The following PTPRD variants were observed in gnomAD, a reference collection of about 807,000 sequenced individuals.
The protein encoded by PTPRD is protein tyrosine phosphatase receptor type D.
PTPRD carries 34 observed loss-of-function variants against 214.5 expected under a neutral mutation model. That is an observed-to-expected ratio of 0.16 (90% confidence interval 0.12 to 0.21). The LOEUF (loss-of-function observed/expected upper bound fraction) is 0.21. Among genes scored for constraint, PTPRD ranks in the 10% least tolerant of loss-of-function variants. PTPRD has a pLI of 1.00. For missense variants in PTPRD, 2,545 were observed against 2,398.7 expected (o/e 1.06, Z -1.27); for synonymous variants, 1,128 against 845.7 (o/e 1.33, Z -5.79).
At chr9:8,343,564 G>C (rs1429040941) in intron 39 of PTPRD, among the ~76,000 whole-genome samples, 1 of 151,950 alleles carries the variant, frequency 6.6e-6, no homozygotes, top group Admixed American at 6.6e-5. Flanking sequence ...CTGTTAGATG[G>C]CGAGTTTTCC....
At chr9:9,865,503 CCCA>C (rs2063745958) in intron 5 of PTPRD, among the ~76,000 whole-genome samples, 1 of 152,082 alleles carries the variant, frequency 6.6e-6, no homozygotes, top group African/African-American at 2.4e-5. Flanking sequence ...CCACAGTGTC[CCCA>C]CAAGCAAGAA....
chr9:10,363,618 T>C (rs560255133), intron 2 of PTPRD, among the ~76,000 whole-genome samples: 1 of 152,192 alleles, frequency 6.6e-6, no homozygotes, highest in African/African-American at 2.4e-5. Context: ...TATTTAACCA[T>C]TTGAAAAGGC....
At chr9:9,600,097 G>T (rs1414401763) in intron 7 of PTPRD, among the ~76,000 whole-genome samples, 1 of 152,028 alleles carries the variant, frequency 6.6e-6, no homozygotes, top group African/African-American at 2.4e-5. Flanking sequence ...CTGATCTTAT[G>T]TTGTTTATGT....
At chr9:8,661,810 T>C (rs1038829667) in intron 12 of PTPRD, among the ~76,000 whole-genome samples, 1 of 152,314 alleles carries the variant, frequency 6.6e-6, no homozygotes, top group Admixed American at 6.5e-5. Context: ...AAAGTAAAAA[T>C]GAAAAATCTC....
At chr9:8,857,818 C>A in intron 11 of PTPRD, 2 of 155,250 alleles carry the variant, frequency 1.3e-5, no homozygotes, top group South Asian at 3.6e-4. Context: ...GCCCAGCCCT[C>A]GTGCGGCCAG....
chr9:9,138,866 T>C (rs2099855295), intron 10 of PTPRD, among the ~76,000 whole-genome samples: 1 of 152,202 alleles, frequency 6.6e-6, no homozygotes, highest in South Asian at 2.1e-4. Context: ...GCTACCATTC[T>C]AGGCTAAAAT....
chr9:9,904,893 T>A (rs10816221), intron 5 of PTPRD, among the ~76,000 whole-genome samples: 114,338 of 151,906 alleles, frequency 0.75, 43,461 homozygotes, highest in Admixed American at 0.81. Context: ...GGGGATTTAA[T>A]TTCTCATACT....
At chr9:8,384,672 G>T (rs117618475) in intron 37 of PTPRD, among the ~76,000 whole-genome samples, 1 of 152,008 alleles carries the variant, frequency 6.6e-6, no homozygotes, top group Non-Finnish European at 1.5e-5. Context: ...GATTACAGGC[G>T]TGTGCCATTA....
intron 9 of PTPRD, among the ~76,000 whole-genome samples, chr9:9,218,126 A>C (rs2099953499): frequency 6.6e-6 from 1 of 152,256 alleles, no homozygotes; most frequent in South Asian, 2.1e-4. Context: ...CATTGGACTG[A>C]ATAAAGAAAA....
intron 3 of PTPRD, among the ~76,000 whole-genome samples, chr9:10,082,556 G>A (rs986972778): frequency 3.3e-5 from 5 of 151,922 alleles, no homozygotes; most frequent in African/African-American, 1.2e-4. Flanking sequence ...AGAAAGAGAG[G>A]GAAAGGCAGA....
chr9:8,825,002 G>T (rs1222616809), intron 11 of PTPRD, among the ~76,000 whole-genome samples: 2 of 152,020 alleles, frequency 1.3e-5, no homozygotes, highest in African/African-American at 4.8e-5. Flanking sequence ...TTTTACATAG[G>T]CTTTTTAAAA....
chr9:10,584,670 C>A (rs2132565406), intron 2 of PTPRD, among the ~76,000 whole-genome samples: 1 of 152,182 alleles, frequency 6.6e-6, no homozygotes, highest in African/African-American at 2.4e-5. Context: ...TTGTGTCACT[C>A]AATTGAATAA....
chr9:10,255,456 A>G (rs1403587731), intron 3 of PTPRD, among the ~76,000 whole-genome samples: 1 of 152,218 alleles, frequency 6.6e-6, no homozygotes. Context: ...ATACAGTATA[A>G]AAGATAAAAG....
At chr9:9,487,521 A>C (rs907133661) in intron 8 of PTPRD, among the ~76,000 whole-genome samples, 4 of 152,240 alleles carry the variant, frequency 2.6e-5, no homozygotes, top group Non-Finnish European at 5.9e-5. Flanking sequence ...CAATAAACAT[A>C]CATGTGCATG....
intron 3 of PTPRD, among the ~76,000 whole-genome samples, chr9:10,081,940 T>C (rs1487490642): frequency 6.6e-6 from 1 of 152,076 alleles, no homozygotes; most frequent in Non-Finnish European, 1.5e-5. Flanking sequence ...TGTTTTGTAA[T>C]TAACTAAAAA....
At chr9:8,585,395 C>T (rs111264731) in intron 14 of PTPRD, among the ~76,000 whole-genome samples, 7 of 152,178 alleles carry the variant, frequency 4.6e-5, no homozygotes, top group African/African-American at 1.4e-4. Context: ...CACTAAACTA[C>T]ACCAACTATA....
intron 3 of PTPRD, among the ~76,000 whole-genome samples, chr9:10,072,774 ATAGT>A (rs2098052403): frequency 1.3e-5 from 2 of 152,108 alleles, no homozygotes; most frequent in Admixed American, 6.6e-5. Context: ...ACTTTGGAAG[ATAGT>A]TGTGTAGTTT....
intron 5 of PTPRD, among the ~76,000 whole-genome samples, chr9:9,914,304 G>A (rs142758419): frequency 3.0e-4 from 45 of 152,244 alleles, no homozygotes; most frequent in Middle Eastern, 3.4e-3. Flanking sequence ...TGCAGTCAGC[G>A]TTTGAGAAAC....
chr9:9,734,706 T>C (rs1004151536), intron 6 of PTPRD, 135 bp from the exon 7 acceptor site: 2 of 152,136 alleles, frequency 1.3e-5, no homozygotes, highest in Non-Finnish European at 2.9e-5. Context: ...CTTTAAGACA[T>C]AATTTCTGTA....
Sources: allele counts gnomAD v4.1 joint callset (sites outside exome capture counted in the v4.1 genomes callset), GRCh38; gene constraint gnomAD v4.1.1; transcripts MANE v1.5; gene names NCBI Gene and HGNC (gene_info 2026-07-23, HGNC 2026-07-21).